The following PDZD7 variants were observed in gnomAD, a reference collection of about 807,000 sequenced individuals.
The protein encoded by PDZD7 is PDZ domain containing 7.
A neutral mutation model predicts 84.7 loss-of-function variants in PDZD7; 72 were observed. The observed-to-expected ratio is 0.85, with a 90% CI of 0.70 to 1.03. The LOEUF (loss-of-function observed/expected upper bound fraction) is 1.03. Ranked by LOEUF, PDZD7 falls within the 50% of genes least tolerant of loss-of-function variation. PDZD7 has a pLI of 0.00. For missense variants in PDZD7, 1,490 were observed against 1,412.9 expected, an observed-to-expected ratio of 1.05 and a Z score of -0.87; for synonymous variants, 594 against 580.7, an observed-to-expected ratio of 1.02 and a Z score of -0.33.
rs1275663379 is a variant in PDZD7 at position 101,030,137 on chromosome 10, CG to C, written c.82del (p.Arg28GlufsTer4). 4 of 1,613,994 alleles carry C rather than the reference CG, an allele frequency of 2.5e-6. No individual in the cohort carries two copies. The highest frequency in any genetic ancestry group is 3.4e-6 in the Non-Finnish European group (4 of 1,180,038). On this transcript the variant is annotated frameshift_variant, in exon 2 of 17. Coordinates refer to ENST00000619208, the MANE Select transcript of PDZD7 (RefSeq NM_001195263.2). LOFTEE classifies it high-confidence loss of function. ...GCCTGAGTCGCTGCCTAGGTGGCCTCGGGAGGAGAGGGAGCTCAGAGAGCCG... is the reference window on the plus strand; with the variant it reads ...GCCTGAGTCGCTGCCTAGGTGGCCTCGGAGGAGAGGGAGCTCAGAGAGCCG... ...SSGSLSSLSS[R>X]GHLGSDSGST...
At chr10:101,009,147 C>T in intron 16 of PDZD7, 103 bp downstream of exon 16, 8 of 1,118,314 alleles carry the variant, frequency 7.2e-6, no homozygotes, top group Non-Finnish European at 1.0e-5. Flanking sequence ...CTCCCACAAC[C>T]CGGGCTAAAC....
chr10:101,011,330 C>G (rs1242079914), intron 14 of PDZD7: 2 of 427,162 alleles, frequency 4.7e-6, no homozygotes, highest in Non-Finnish European at 7.4e-6. Flanking sequence ...CGTGAGCCAC[C>G]GCGCCCGGCC....
chr10:101,010,233 C>A, intron 15 of PDZD7, 39 bp downstream of exon 15: 1 of 1,490,176 alleles, frequency 6.7e-7, no homozygotes, highest in Non-Finnish European at 9.0e-7. Context: ...CCCAGGCTTC[C>A]TAGTGTCCTC....
Position 101,010,264 on chromosome 10 carries a change from G to A in PDZD7, c.2617+8C>T. On this transcript the variant is annotated splice_region_variant and intron_variant, in intron 15 of 16. Transcript: ENST00000619208. ...TCCTCTGCCGGGCCCAGTCCCACGT[G>A]GACTCACCTAAGGACTGCTTCATCT... is the stretch of plus-strand genomic sequence containing the variant. 2.6e-6 allele frequency: 4 copies of A among 1,512,776 alleles called. No homozygotes were observed. Among genetic ancestry groups the A allele is most frequent in the Non-Finnish European group, 3.5e-6 (4 of 1,127,664 alleles). The allele number at this position is 1,512,776 out of a possible 1,614,324, so 93.7% of individuals were successfully genotyped here.
In PDZD7 at chr10:101,021,946, CTG is replaced by C; in HGVS notation, c.720-3_720-2del. The C allele has an allele frequency of 6.2e-7, 1 of 1,614,194 alleles. No individual in the cohort carries two copies. Among genetic ancestry groups the C allele is most frequent in the Non-Finnish European group, 8.5e-7 (1 of 1,180,032 alleles). On this transcript the variant is annotated splice_acceptor_variant and splice_polypyrimidine_tract_variant and intron_variant, in intron 5 of 16. Transcript: ENST00000619208. LOFTEE classifies it high-confidence loss of function. The stretch of plus-strand genomic sequence containing the variant: ...CTCGGCCAGCCCACCATGGTCCACT[CTG>C]AGGCCAGACAGGCGTCAGTCTGATA...
At chr10:101,016,333 G>A (rs565704619) in intron 10 of PDZD7, 44 bp downstream of exon 10, 33 of 1,545,200 alleles carry the variant, frequency 2.1e-5, no homozygotes, top group Middle Eastern at 1.7e-4. Flanking sequence ...CTCATCTGCC[G>A]CTCTACTGTA....
intron 2 of PDZD7, among the ~76,000 whole-genome samples, chr10:101,026,408 T>C (rs1429378705): frequency 1.3e-5 from 2 of 148,260 alleles, no homozygotes; most frequent in Non-Finnish European, 3.0e-5. Flanking sequence ...ATGCTGGGAT[T>C]ACAGGTGTGA....
intron 2 of PDZD7, among the ~76,000 whole-genome samples, chr10:101,027,194 A>G (rs1307296342): frequency 6.6e-6 from 1 of 152,080 alleles, no homozygotes; most frequent in Non-Finnish European, 1.5e-5. Flanking sequence ...CTAGAACTCC[A>G]GTCTCCTCAC....
At position 101,024,014 on chromosome 10, in the gene PDZD7, G is replaced by A. The variant is rs745343704; in HGVS notation, c.281C>T (p.Ala94Val). The A allele has an allele frequency of 2.2e-5, 35 of 1,614,262 alleles. No homozygotes were observed. Among genetic ancestry groups the A allele is most frequent in the Non-Finnish European group, 3.0e-5 (35 of 1,180,042 alleles). ...GCGCACGCTGAAGCCCAGCCTCCCT[G>A]CTGGACTCTTCTCCACCCGGACTGA... is the stretch of plus-strand genomic sequence containing the variant. ...IHSVRVEKSP[A>V]GRLGFSVRGG... Residue 94 changes from alanine to valine, a missense_variant, in exon 3 of 17, where the codon GCA (alanine) becomes GTA (valine). Coordinates refer to ENST00000619208, the MANE Select transcript of PDZD7 (RefSeq NM_001195263.2).
At chr10:101,022,143 G>T (rs1167370654) in intron 5 of PDZD7, 66 bp downstream of exon 5, 2 of 1,602,714 alleles carry the variant, frequency 1.2e-6, no homozygotes, top group Non-Finnish European at 1.7e-6. Flanking sequence ...CCACATCCCA[G>T]CCTAGGCCCC....
Position 101,012,182 on chromosome 10 carries a change from A to C in PDZD7, c.1826T>G (p.Leu609Arg). 1 of 1,550,548 alleles carries C rather than the reference A, an allele frequency of 6.4e-7. No homozygotes were observed. Among genetic ancestry groups the C allele is most frequent in the Non-Finnish European group, 8.7e-7 (1 of 1,146,990 alleles). ...AILDRPEKLL[L>R]LQDIRSVVAP... Reference sequence around the variant, plus strand: ...CTCCTCCCACCTGATGTCCTGCAGCAGTAGCAGCTTCTCCGGCCTGTCGAG... The same window carrying C: ...CTCCTCCCACCTGATGTCCTGCAGCCGTAGCAGCTTCTCCGGCCTGTCGAG... Residue 609 changes from leucine to arginine, a missense_variant, in exon 12 of 17, where the codon CTG becomes CGG. By Grantham distance (102) the Leu-to-Arg change is moderately radical. Coordinates refer to ENST00000619208, the MANE Select transcript of PDZD7 (RefSeq NM_001195263.2).
At chr10:101,016,475 A>C (rs930207218) in intron 9 of PDZD7, 48 bp from the exon 10 acceptor site, 107 of 1,543,412 alleles carry the variant, frequency 6.9e-5, no homozygotes, top group Non-Finnish European at 9.1e-5. Flanking sequence ...CCCCAGTCTG[A>C]AAATGGGGTT....
At chr10:101,013,369 C>A (rs933142889) in intron 11 of PDZD7, among the ~76,000 whole-genome samples, 12 of 152,056 alleles carry the variant, frequency 7.9e-5, no homozygotes, top group African/African-American at 2.9e-4. Flanking sequence ...CTAGTGGGAG[C>A]GAGGGGAAGA....
At position 101,031,070 on chromosome 10, in the gene PDZD7, C is replaced by T. The variant is rs1938144198; in HGVS notation, c.-166+3G>A. 1 of 152,334 alleles carries T rather than the reference C, an allele frequency of 6.6e-6. No homozygotes were observed. Among genetic ancestry groups the T allele is most frequent in the African/African-American group, 2.4e-5 (1 of 41,470 alleles). The allele number at this position is 152,334 out of a possible 1,614,324, so 9.4% of individuals were successfully genotyped here. ...CCACCCCTTTGTGCCTGGTCGGCCT[C>T]ACCTGGTCGCTGGTGTGGCGCCGCC... On this transcript the variant is annotated splice_donor_region_variant and intron_variant, in intron 1 of 16. Transcript: ENST00000619208.
chr10:101,029,680 G>A (rs1937953464), intron 2 of PDZD7, among the ~76,000 whole-genome samples: 1 of 152,202 alleles, frequency 6.6e-6, no homozygotes, highest in Non-Finnish European at 1.5e-5. Flanking sequence ...GCCCATGGGA[G>A]AGAGGCCAGT....
At chr10:101,010,197 A>G in intron 15 of PDZD7, 75 bp downstream of exon 15, 1 of 1,451,078 alleles carries the variant, frequency 6.9e-7, no homozygotes, top group South Asian at 1.4e-5. Context: ...GCCTGGCCCA[A>G]TACTCCTCCA....
At chr10:101,015,326 C>T (rs1033272575) in intron 11 of PDZD7, among the ~76,000 whole-genome samples, 2 of 152,196 alleles carry the variant, frequency 1.3e-5, no homozygotes, top group Admixed American at 6.5e-5. Flanking sequence ...TCTAGGAGGG[C>T]CTCCCAGCCC....
chr10:101,023,523 A>G lies in PDZD7; in HGVS notation c.455T>C (p.Val152Ala). Residue 152 changes from valine to alanine, a missense_variant, in exon 4 of 17, where the codon GTG (valine) becomes GCG (alanine). By Grantham distance (64) the Val-to-Ala change is moderately conservative (BLOSUM62 0). Transcript: ENST00000619208. Reference sequence around the variant, plus strand: ...GTGCAGGCGGCTGCTGCTGGTCAGCACCTTTACGGCGCTACCCATGGTGGT... The same window carrying G: ...GTGCAGGCGGCTGCTGCTGGTCAGCGCCTTTACGGCGCTACCCATGGTGGT... ...ESTTMGSAVK[V>A]LTSSSRLHMM... is the part of the protein sequence containing the mutation. 6.2e-7 allele frequency: 1 copy of G among 1,613,976 alleles called. No individual in the cohort carries two copies. Among genetic ancestry groups the G allele is most frequent in the Non-Finnish European group, 8.5e-7 (1 of 1,179,994 alleles).
intron 15 of PDZD7, 35 bp downstream of exon 15, chr10:101,010,237 T>C: frequency 6.7e-7 from 1 of 1,492,310 alleles, no homozygotes. Flanking sequence ...GGCTTCCTAG[T>C]GTCCTCTGCC....
Sources: allele counts gnomAD v4.1 joint callset (sites outside exome capture counted in the v4.1 genomes callset), GRCh38; gene constraint gnomAD v4.1.1; transcripts MANE v1.5; gene names NCBI Gene and HGNC (gene_info 2026-07-23, HGNC 2026-07-21).